Variants in RGS9 observed in about 807,000 individuals in gnomAD.
The protein encoded by RGS9 is regulator of G protein signaling 9.
A neutral mutation model predicts 102.0 loss-of-function variants in RGS9; 78 were observed. That is an observed-to-expected ratio of 0.76 (90% CI 0.64 to 0.92). The LOEUF is 0.92. RGS9 is among the 40% of genes least tolerant of loss of function. The pLI, the probability that RGS9 is intolerant of heterozygous loss-of-function variation, is 0.00. For synonymous variants in RGS9, 353 were observed against 318.6 expected (o/e 1.11, Z -1.15); for missense variants, 833 against 866.1 (o/e 0.96, Z 0.48).
rs2144136198 is a variant in RGS9 at position 65,225,458 on chromosome 17, C to T, written c.1864C>T (p.Pro622Ser). The change falls in exon 18 of 19, where the codon CCA (proline) becomes TCA (serine). Residue 622 changes from proline to serine, a missense_variant. Around this residue, in one of 3 missense-constraint regions of RGS9, gnomAD observed 320 missense variants for 276.8 expected, o/e 1.16. Transcript: ENST00000262406. The stretch of plus-strand genomic sequence containing the variant: ...CCTGGGGGACGTGGGCCAGCAGCTG[C>T]CACGATTGAAATCCAAGAGAGTAGC... ...QPLGDVGQQL[P>S]RLKSKRVANF... 2.5e-6 allele frequency: 4 copies of T among 1,605,072 alleles called. No homozygotes were observed. The highest frequency in any genetic ancestry group is 3.4e-6 in the Non-Finnish European group (4 of 1,179,984).
At chr17:65,140,956 G>T (rs1208436734) in intron 1 of RGS9, among the ~76,000 whole-genome samples, 1 of 151,900 alleles carries the variant, frequency 6.6e-6, no homozygotes, top group Non-Finnish European at 1.5e-5. Flanking sequence ...AACTAAGAGA[G>T]TTCACTCAGG....
At chr17:65,145,404 T>C (rs1910313809) in intron 1 of RGS9, among the ~76,000 whole-genome samples, 1 of 146,526 alleles carries the variant, frequency 6.8e-6, no homozygotes, top group Non-Finnish European at 1.5e-5. Flanking sequence ...TTTTTACTTT[T>C]TTGAGACTGA....
Position 65,160,341 on chromosome 17 carries a change from TGA to T in RGS9, c.312+4_312+5del. 1.2e-6 allele frequency: 2 copies of T among 1,611,312 alleles called. No individual in the cohort carries two copies. Among genetic ancestry groups the T allele is most frequent in the Non-Finnish European group, 8.5e-7 (1 of 1,177,450 alleles). ...GATGGCAGCCTCTACAGATTTCAGGTGAGTCTTGGCCTTGACCCTGGCTGTTC... is the reference window on the plus strand; with the variant it reads ...GATGGCAGCCTCTACAGATTTCAGGTGTCTTGGCCTTGACCCTGGCTGTTC... On this transcript the variant is annotated splice_donor_region_variant and intron_variant, in intron 4 of 18. Coordinates refer to ENST00000262406, the MANE Select transcript of RGS9 (RefSeq NM_003835.4).
intron 13 of RGS9, among the ~76,000 whole-genome samples, chr17:65,199,114 A>G (rs1252706009): frequency 6.6e-6 from 1 of 152,228 alleles, no homozygotes; most frequent in South Asian, 2.1e-4. Flanking sequence ...TAAATCATCA[A>G]TTTGCTCATT....
At chr17:65,152,157 A>C (rs1028135033) in intron 1 of RGS9, among the ~76,000 whole-genome samples, 1 of 152,156 alleles carries the variant, frequency 6.6e-6, no homozygotes, top group Admixed American at 6.5e-5. Flanking sequence ...AGACCATCAG[A>C]AGGGGAAGAA....
At chr17:65,153,755 T>C (rs971332021) in intron 2 of RGS9, among the ~76,000 whole-genome samples, 1 of 152,112 alleles carries the variant, frequency 6.6e-6, no homozygotes, top group Non-Finnish European at 1.5e-5. Context: ...CTGGGCATGG[T>C]GGCAGGTGCC....
chr17:65,204,172 G>C lies in RGS9; in HGVS notation c.1074G>C (p.Leu358=). The change falls in exon 15 of 19, where the codon CTG becomes CTC. Residue 358 remains leucine, a synonymous_variant. Transcript: ENST00000262406. ...CTCCCTCCCACCCCAGGCTGTTCCT[G>C]GCCCCGGGGGCGAGGCGCTGGATCA... is the stretch of plus-strand genomic sequence containing the variant. ...EKAEEIYKLF[L]APGARRWINI... The C allele has an allele frequency of 6.2e-7, 1 of 1,612,562 alleles. No individual in the cohort carries two copies. The highest frequency in any genetic ancestry group is 8.5e-7 in the Non-Finnish European group (1 of 1,180,010).
chr17:65,207,479 T>G (rs1412727840), intron 15 of RGS9, among the ~76,000 whole-genome samples: 3 of 152,244 alleles, frequency 2.0e-5, no homozygotes, highest in African/African-American at 7.2e-5. Context: ...TCTCACCTGT[T>G]TGGCATGTAG....
intron 12 of RGS9, among the ~76,000 whole-genome samples, chr17:65,195,573 A>C (rs1912553734): frequency 6.6e-6 from 1 of 151,672 alleles, no homozygotes; most frequent in Admixed American, 6.6e-5. Context: ...CTCCCTTTTC[A>C]CCCCTTTCCC....
intron 1 of RGS9, 81 bp from the exon 2 acceptor site, chr17:65,153,341 C>T (rs1910651956): frequency 8.4e-7 from 1 of 1,189,822 alleles, no homozygotes; most frequent in Admixed American, 1.7e-5. Context: ...TTTTGAGGTC[C>T]CTCTCAGTGC....
intron 18 of RGS9, 61 bp from the exon 19 acceptor site, chr17:65,227,214 G>A: frequency 2.5e-6 from 4 of 1,609,682 alleles, no homozygotes; most frequent in Non-Finnish European, 3.4e-6. Context: ...GGATGATTTG[G>A]GGAGGTGCAG....
intron 9 of RGS9, among the ~76,000 whole-genome samples, chr17:65,183,110 ACC>A (rs1911962231): frequency 7.1e-6 from 1 of 141,172 alleles, no homozygotes; most frequent in Admixed American, 8.9e-5. Flanking sequence ...CTATCTATCT[ACC>A]TACCTACCTA....
At chr17:65,167,747 C>A (rs1032398796) in intron 7 of RGS9, among the ~76,000 whole-genome samples, 2 of 152,120 alleles carry the variant, frequency 1.3e-5, no homozygotes, top group African/African-American at 4.8e-5. Context: ...CACCCATGCG[C>A]GCTGCTCTCT....
chr17:65,158,730 G>A, intron 3 of RGS9: 1 of 367,054 alleles, frequency 2.7e-6, no homozygotes, highest in Non-Finnish European at 5.2e-6. Flanking sequence ...GTGGAAAGTG[G>A]AGGAGTGACA....
chr17:65,153,077 G>T (rs1910640120), intron 1 of RGS9, among the ~76,000 whole-genome samples: 1 of 152,160 alleles, frequency 6.6e-6, no homozygotes, highest in African/African-American at 2.4e-5. Context: ...CACTAACCCT[G>T]GGAGCTGTCA....
chr17:65,141,117 G>T (rs1218056071), intron 1 of RGS9, among the ~76,000 whole-genome samples: 2 of 152,206 alleles, frequency 1.3e-5, no homozygotes, highest in Non-Finnish European at 2.9e-5. Context: ...CTGTGGGTCG[G>T]GATGCCCGCC....
intron 8 of RGS9, among the ~76,000 whole-genome samples, chr17:65,175,667 C>G (rs1338176310): frequency 6.6e-6 from 1 of 152,182 alleles, no homozygotes; most frequent in African/African-American, 2.4e-5. Flanking sequence ...CCACTTGTAA[C>G]AACTAGGGTA....
intron 8 of RGS9, among the ~76,000 whole-genome samples, chr17:65,171,010 C>T (rs1911397238): frequency 6.6e-6 from 1 of 152,150 alleles, no homozygotes; most frequent in African/African-American, 2.4e-5. Context: ...CAGACTGTCT[C>T]CAGGAGACCC....
At chr17:65,152,073 G>A (rs763073879) in intron 1 of RGS9, among the ~76,000 whole-genome samples, 5 of 152,192 alleles carry the variant, frequency 3.3e-5, no homozygotes, top group Non-Finnish European at 7.3e-5. Flanking sequence ...CTTGAGAAAC[G>A]GAGCAGGGCG....
Sources: gnomAD v4.1 joint callset for allele counts (sites outside exome capture counted in the v4.1 genomes callset) on GRCh38, gnomAD v4.1.1 for gene constraint, gnomAD v4.1.1 regional missense constraint, MANE v1.5 for transcripts, NCBI Gene and HGNC (gene_info 2026-07-23, HGNC 2026-07-21) for gene names.